DPH6: variants seen among roughly 807,000 people sequenced by gnomAD.
The protein encoded by DPH6 is diphthamine biosynthesis 6.
In DPH6, 33 loss-of-function variants were observed where a neutral mutation model predicts 38.2. The observed-to-expected ratio is 0.86, with a 90% CI of 0.65 to 1.15. The LOEUF (loss-of-function observed/expected upper bound fraction) is 1.15, where lower values mean the gene tolerates loss of function less well. Ranked by LOEUF, DPH6 falls within the 50% of genes most tolerant of loss-of-function variation. DPH6 has a pLI of 0.00. For missense variants in DPH6, 325 were observed against 320.0 expected (o/e 1.02, Z -0.12); for synonymous variants, 108 against 103.0 (o/e 1.05, Z -0.30).
chr15:35,146,786 CTTCT>C, the DPH6 span, among the ~76,000 whole-genome samples: 1 of 152,098 alleles, frequency 6.6e-6, no homozygotes, highest in African/African-American at 2.4e-5. Flanking sequence ...AGTCTTTAGG[CTTCT>C]TTATTTAAAA....
At chr15:35,485,922 T>C (rs1012044410) in intron 3 of DPH6, among the ~76,000 whole-genome samples, 1 of 152,194 alleles carries the variant, frequency 6.6e-6, no homozygotes, top group East Asian at 1.9e-4. Flanking sequence ...TTCTGGACTT[T>C]AGAATGCCAG....
chr15:35,344,326 G>T lies in DPH6; in HGVS notation n.208-13249C>A, dbSNP rs182303908. On this transcript the variant is annotated intron_variant and non_coding_transcript_variant, in intron 3 of 3. Coordinates refer to the DPH6 transcript ENST00000558973. ...GCTGAAAGCCTCATTATACACAATA[G>T]AACTGACCCTTAGTTTATAATTAGG... Among the ~76,000 whole-genome samples the T allele has an allele frequency of 7.9e-5, 12 of 152,040 alleles. No homozygotes were observed. In the East Asian group the frequency reaches 2.3e-3, roughly 29 times the overall value.
chr15:35,361,877 T>C (rs749664354), intron 3 of DPH6, among the ~76,000 whole-genome samples: 1 of 151,912 alleles, frequency 6.6e-6, no homozygotes, highest in Non-Finnish European at 1.5e-5. Context: ...TTACAGCACA[T>C]TGAGCTTTGT....
intron 3 of DPH6, among the ~76,000 whole-genome samples, chr15:35,528,703 C>A (rs1194800761): frequency 2.6e-5 from 4 of 152,120 alleles, no homozygotes; most frequent in African/African-American, 9.7e-5. Context: ...AAGAAATATA[C>A]AATGTAATAG....
Position 35,372,259 on chromosome 15 carries a change from A to G in DPH6, c.751-56T>C, listed in dbSNP as rs770390567. The G allele has an allele frequency of 4.0e-5, 54 of 1,346,492 alleles. 1 individual carries two copies. The African/African-American group carries it at 6.1e-4, about 15-fold the overall frequency. The allele number at this position is 1,346,492 out of a possible 1,614,324, so 83.4% of individuals were successfully genotyped here. A position where few individuals can be genotyped will look rare whatever the true frequency, so the allele number is the denominator to read the frequency against. On this transcript the variant is annotated intron_variant, in intron 8 of 8. Coordinates refer to ENST00000256538, the MANE Select transcript of DPH6 (RefSeq NM_080650.4). ...AAATGCACCATATTTATTCAGTGTCAGTGAATATGACACTTCAAAGATGTA... is the reference window on the plus strand; with the variant it reads ...AAATGCACCATATTTATTCAGTGTCGGTGAATATGACACTTCAAAGATGTA...
intron 3 of DPH6, among the ~76,000 whole-genome samples, chr15:35,277,151 A>C (rs991815259): frequency 6.6e-6 from 1 of 151,978 alleles, no homozygotes; most frequent in African/African-American, 2.4e-5. Flanking sequence ...CACCTCCTTG[A>C]TTATGTATAT....
At chr15:35,523,483 C>T (rs1478744375) in intron 3 of DPH6, among the ~76,000 whole-genome samples, 1 of 151,716 alleles carries the variant, frequency 6.6e-6, no homozygotes, top group Non-Finnish European at 1.5e-5. Context: ...TATTTTATAA[C>T]ATTATATTAT....
chr15:35,436,410 G>T (rs1231668040), intron 5 of DPH6, among the ~76,000 whole-genome samples: 1 of 151,210 alleles, frequency 6.6e-6, no homozygotes, highest in East Asian at 2.0e-4. Context: ...AGCTTGCAAT[G>T]AGCCGAGATG....
At position 35,410,866 on chromosome 15, in the gene DPH6, G is replaced by C; in HGVS notation, c.536C>G (p.Thr179Ser). 1.9e-6 allele frequency: 3 copies of C among 1,603,330 alleles called. No homozygotes were observed. The highest frequency in any genetic ancestry group is 2.6e-6 in the Non-Finnish European group (3 of 1,174,746). The change falls in exon 6 of 9, where the codon ACC (threonine) becomes AGC (serine). Residue 179 changes from threonine to serine, a missense_variant. Physicochemically the swap from Thr to Ser is moderately conservative, Grantham distance 58 (BLOSUM62 1). Coordinates refer to ENST00000256538, the MANE Select transcript of DPH6 (RefSeq NM_080650.4). ...GLDPDKHLGK[T>S]LDQMEPYLIE... Reference sequence around the variant, plus strand: ...GAGATAAGGCTCCATTTGATCCAGGGTTTTCCCAAGATGCTTATCAGGATC... The same window carrying C: ...GAGATAAGGCTCCATTTGATCCAGGCTTTTCCCAAGATGCTTATCAGGATC...
At chr15:35,279,371 A>T (rs1451201114) in intron 3 of DPH6, among the ~76,000 whole-genome samples, 1 of 152,114 alleles carries the variant, frequency 6.6e-6, no homozygotes, top group Non-Finnish European at 1.5e-5. Context: ...TCTGCATGTA[A>T]GGACATGAGA....
chr15:35,381,848 G>A lies in DPH6; in HGVS notation c.636C>T (p.Cys212=). The A allele has an allele frequency of 6.2e-7, 1 of 1,612,744 alleles. No individual in the cohort carries two copies. The highest frequency in any genetic ancestry group is 8.5e-7 in the Non-Finnish European group (1 of 1,178,974). The change falls in exon 7 of 9, where the codon TGC becomes TGT. Residue 212 remains cysteine (C), a synonymous_variant. Transcript: ENST00000256538. The stretch of plus-strand genomic sequence containing the variant: ...CAATTATTTTCTTCTTAAATAGAGG[G>A]CAATCCAAAGTGAAAGTTTCATACT... ...GGEYETFTLD[C]PLFKKKIIVD... is the part of the protein sequence containing the mutation.
At chr15:35,489,688 C>A (rs1328491372) in intron 3 of DPH6, 2 of 972,720 alleles carry the variant, frequency 2.1e-6, no homozygotes. Context: ...AATAAGATCT[C>A]TTTTGTCTAA....
chr15:35,524,063 A>G (rs1209524730), intron 3 of DPH6, among the ~76,000 whole-genome samples: 1 of 151,872 alleles, frequency 6.6e-6, no homozygotes, highest in Non-Finnish European at 1.5e-5. Context: ...TGCTTCTCAA[A>G]CTGTGTTATA....
chr15:35,424,837 A>G (rs1465669927), intron 5 of DPH6, among the ~76,000 whole-genome samples: 14 of 151,670 alleles, frequency 9.2e-5, no homozygotes. Flanking sequence ...CTTGAACTTA[A>G]TCCTGCTTGA....
chr15:35,285,123 C>T (rs911212769), intron 3 of DPH6, among the ~76,000 whole-genome samples: 2 of 152,010 alleles, frequency 1.3e-5, no homozygotes, highest in Non-Finnish European at 2.9e-5. Context: ...AATGTATATA[C>T]ATTGGGATGC....
At chr15:35,362,281 C>A (rs2140908139) in intron 3 of DPH6, among the ~76,000 whole-genome samples, 1 of 152,250 alleles carries the variant, frequency 6.6e-6, no homozygotes, top group East Asian at 1.9e-4. Context: ...CCATTACAAG[C>A]CACTGAGCTC....
chr15:35,356,996 C>A (rs1276799128), intron 3 of DPH6, among the ~76,000 whole-genome samples: 2 of 152,206 alleles, frequency 1.3e-5, no homozygotes, highest in Admixed American at 6.5e-5. Flanking sequence ...GTGCCTCTCC[C>A]CCAGCCTCTC....
the DPH6 span, among the ~76,000 whole-genome samples, chr15:35,160,154 C>A: frequency 6.6e-6 from 1 of 151,922 alleles, no homozygotes; most frequent in African/African-American, 2.4e-5. Flanking sequence ...ACCTTTGCAG[C>A]AAATATGCAC....
intron 6 of DPH6, chr15:35,401,433 T>C: frequency 5.2e-6 from 4 of 774,618 alleles, no homozygotes; most frequent in Non-Finnish European, 2.4e-6. Flanking sequence ...CTGGTTATTC[T>C]GGAGGAAGCA....
Sources: gnomAD v4.1 joint callset for allele counts (sites outside exome capture counted in the v4.1 genomes callset) on GRCh38, gnomAD v4.1.1 for gene constraint, MANE v1.5 for transcripts, NCBI Gene and HGNC (gene_info 2026-07-23, HGNC 2026-07-21) for gene names.